The following ARK2C variants were observed in gnomAD, a reference collection of about 807,000 sequenced individuals.
ARK2C encodes arkadia (RNF111) C-terminal like ring finger ubiquitin ligase 2C.
the ARK2C span, among the ~76,000 whole-genome samples, chr18:46,434,309 TAA>T: frequency 6.6e-6 from 1 of 152,186 alleles, no homozygotes; most frequent in Non-Finnish European, 1.5e-5. Context: ...AAATAAAAAC[TAA>T]AAAGTTTTAA....
the ARK2C span, among the ~76,000 whole-genome samples, chr18:46,379,169 A>G: frequency 6.6e-6 from 1 of 152,198 alleles, no homozygotes; most frequent in Non-Finnish European, 1.5e-5. Context: ...TTATCCTGTC[A>G]TACAAGAGTT....
chr18:46,442,032 G>A, the ARK2C span, among the ~76,000 whole-genome samples: 18 of 150,710 alleles, frequency 1.2e-4, no homozygotes, highest in East Asian at 1.9e-4. Context: ...GCATGGTGGC[G>A]CGCGCCTGTA....
the ARK2C span, among the ~76,000 whole-genome samples, chr18:46,410,475 C>T: frequency 6.6e-6 from 1 of 152,230 alleles, no homozygotes; most frequent in Admixed American, 6.5e-5. Context: ...GACTGAGGGG[C>T]AAACTCACCA....
the ARK2C span, chr18:46,336,827 C>A: frequency 1.3e-4 from 131 of 985,262 alleles, no homozygotes; most frequent in South Asian, 6.0e-3. Flanking sequence ...TTGGCAGCAC[C>A]CAGGCATAAC....
the ARK2C span, among the ~76,000 whole-genome samples, chr18:46,412,239 A>G: frequency 6.6e-6 from 1 of 152,208 alleles, no homozygotes; most frequent in Non-Finnish European, 1.5e-5. Context: ...CATATGTCCC[A>G]GTTTGGGGAA....
the ARK2C span, among the ~76,000 whole-genome samples, chr18:46,428,465 G>A: frequency 6.6e-6 from 1 of 152,214 alleles, no homozygotes; most frequent in Non-Finnish European, 1.5e-5. Context: ...CAAGGGGTTT[G>A]GATTTCACCA....
chr18:46,367,519 T>C, the ARK2C span, among the ~76,000 whole-genome samples: 21 of 152,128 alleles, frequency 1.4e-4, no homozygotes, highest in Non-Finnish European at 2.1e-4. Context: ...CAGGGTAGAA[T>C]TGGTTATTGA....
the ARK2C span, among the ~76,000 whole-genome samples, chr18:46,432,817 C>T: frequency 2.0e-5 from 3 of 152,136 alleles, no homozygotes; most frequent in Non-Finnish European, 4.4e-5. Context: ...CGGTGGCGGG[C>T]GCCTGTAGTC....
the ARK2C span, among the ~76,000 whole-genome samples, chr18:46,343,824 AG>A: frequency 2.0e-5 from 3 of 152,192 alleles, no homozygotes; most frequent in Non-Finnish European, 4.4e-5. Flanking sequence ...GTAGGTGGGA[AG>A]GGAGCAGTAA....
At chr18:46,421,694 T>C in the ARK2C span, among the ~76,000 whole-genome samples, 39 of 152,340 alleles carry the variant, frequency 2.6e-4, no homozygotes, top group African/African-American at 9.4e-4. Flanking sequence ...TTACTCCTGG[T>C]CCATGATGGC....
At chr18:46,380,615 G>T in the ARK2C span, among the ~76,000 whole-genome samples, 1 of 152,118 alleles carries the variant, frequency 6.6e-6, no homozygotes, top group African/African-American at 2.4e-5. Context: ...TGAGCTGGTC[G>T]CTGGGAGGCT....
chr18:46,400,537 T>C, the ARK2C span, among the ~76,000 whole-genome samples: 9 of 152,032 alleles, frequency 5.9e-5, no homozygotes, highest in African/African-American at 2.2e-4. Context: ...CTGTGTTAAG[T>C]GTTTGGGGAA....
the ARK2C span, chr18:46,447,365 C>T: frequency 3.8e-5 from 23 of 611,282 alleles, no homozygotes; most frequent in East Asian, 5.8e-4. Flanking sequence ...TCCTTCAGAC[C>T]TTTCAGAGTC....
At chr18:46,415,590 T>C in the ARK2C span, among the ~76,000 whole-genome samples, 1 of 152,014 alleles carries the variant, frequency 6.6e-6, no homozygotes, top group Non-Finnish European at 1.5e-5. Context: ...GCCCCCTCCC[T>C]GGTGCACTAG....
the ARK2C span, among the ~76,000 whole-genome samples, chr18:46,449,033 C>T: frequency 6.6e-6 from 1 of 152,102 alleles, no homozygotes; most frequent in South Asian, 2.1e-4. Flanking sequence ...AATAAAGAAG[C>T]AAGCATTTAT....
chr18:46,376,543 A>G, the ARK2C span, among the ~76,000 whole-genome samples: 2 of 152,064 alleles, frequency 1.3e-5, no homozygotes, highest in East Asian at 3.9e-4. Flanking sequence ...TATGCTCTGG[A>G]CTATTCGACC....
At chr18:46,396,841 T>G in the ARK2C span, among the ~76,000 whole-genome samples, 24 of 152,332 alleles carry the variant, frequency 1.6e-4, no homozygotes, top group East Asian at 4.6e-3. Flanking sequence ...CTCTGGAAAC[T>G]CTTCCCAGGT....
At chr18:46,349,393 TAATTC>T in the ARK2C span, among the ~76,000 whole-genome samples, 1 of 152,234 alleles carries the variant, frequency 6.6e-6, no homozygotes, top group Non-Finnish European at 1.5e-5. Flanking sequence ...ATAACGGCAC[TAATTC>T]CATTCATGAG....
chr18:46,436,722 A>C, the ARK2C span, among the ~76,000 whole-genome samples: 1 of 152,218 alleles, frequency 6.6e-6, no homozygotes, highest in South Asian at 2.1e-4. Context: ...CTCTCCATTA[A>C]ATTGAACAAT....
Sources: allele counts gnomAD v4.1 joint callset (sites outside exome capture counted in the v4.1 genomes callset), GRCh38; gene constraint gnomAD v4.1.1; transcripts MANE v1.5; gene names NCBI Gene and HGNC (gene_info 2026-07-23, HGNC 2026-07-21).